The following FEZ2 variants were observed in gnomAD, a reference collection of about 807,000 sequenced individuals.
FEZ2 encodes the protein fasciculation and elongation protein zeta 2, also known as fasciculation and elongation protein zeta-2.
A neutral mutation model predicts 40.4 loss-of-function variants in FEZ2; 51 were observed. The observed-to-expected ratio is 1.26, with a 90% CI of 1.01 to 1.59. The LOEUF is 1.59. Ranked by LOEUF, FEZ2 falls within the 40% of genes most tolerant of loss-of-function variation. The pLI, the probability that FEZ2 is intolerant of heterozygous loss-of-function variation, is 0.00. For synonymous variants in FEZ2, 242 were observed against 172.0 expected, an observed-to-expected ratio of 1.41 and a Z score of -3.18; for missense variants, 640 against 438.3, an observed-to-expected ratio of 1.46 and a Z score of -4.11.
rs34787798 is a variant in FEZ2 at position 36,572,017 on chromosome 2, G to GAA, written c.903+6578_903+6579dup. Among the ~76,000 whole-genome samples the GAA allele has an allele frequency of 5.7e-3, 628 of 110,014 alleles. 18 individuals are homozygous for GAA. The highest frequency in any genetic ancestry group is 7.7e-3 in the Non-Finnish European group (378 of 49,354). The allele number at this position is 110,014 out of a possible 152,430, so 72.2% of individuals were successfully genotyped here. ...GCGGCTGAGTGAGACTCCGTCTCAG[G>GAA]AAAAAAAAAAAAAAAAAAAAAAAAA... On this transcript the variant is annotated intron_variant, in intron 5 of 7. Coordinates refer to ENST00000405912, the MANE Select transcript of FEZ2 (RefSeq NM_005102.3).
At chr2:36,596,605 G>A (rs928033422) in intron 1 of FEZ2, among the ~76,000 whole-genome samples, 1 of 152,026 alleles carries the variant, frequency 6.6e-6, no homozygotes, top group African/African-American at 2.4e-5. Context: ...GTGGGACCAC[G>A]GGCATGCGCC....
At chr2:36,557,147 A>G (rs1667978586) in intron 6 of FEZ2, 1 of 152,148 alleles carries the variant, frequency 6.6e-6, no homozygotes, top group Non-Finnish European at 1.5e-5. Flanking sequence ...ATTTTTTCTA[A>G]CTTCTAAATA....
At chr2:36,583,837 A>G (rs1226983669) in intron 2 of FEZ2, among the ~76,000 whole-genome samples, 2 of 152,234 alleles carry the variant, frequency 1.3e-5, no homozygotes, top group East Asian at 3.8e-4. Flanking sequence ...TCTAAAGAAA[A>G]CATAAAAGTT....
chr2:36,594,366 A>T (rs1197729157), intron 1 of FEZ2: 1 of 160,808 alleles, frequency 6.2e-6, no homozygotes, highest in Non-Finnish European at 1.3e-5. Context: ...TGCAGCTGAT[A>T]AAGACATACC....
chr2:36,559,730 C>A (rs1230029739), intron 5 of FEZ2, among the ~76,000 whole-genome samples: 1 of 152,238 alleles, frequency 6.6e-6, no homozygotes, highest in Non-Finnish European at 1.5e-5. Flanking sequence ...GGCGGCTGCA[C>A]CCTGGCCCGC....
rs1222041156 is a variant in FEZ2 at position 36,566,383 on chromosome 2, G to A, written c.904-7870C>T. 2.0e-5 allele frequency among the ~76,000 whole-genome samples: 3 copies of A among 151,574 alleles called. No homozygotes were observed. The East Asian group carries it at 5.8e-4, about 29-fold the overall frequency. On this transcript the variant is annotated intron_variant, in intron 5 of 7. Coordinates refer to ENST00000405912, the MANE Select transcript of FEZ2 (RefSeq NM_005102.3). The stretch of plus-strand genomic sequence containing the variant: ...TCAAGATATTTTTAATGGGGAGGTA[G>A]AGTGCACAAGATCTAAAGAGAAACA...
At chr2:36,596,370 C>A (rs1442833528) in intron 1 of FEZ2, among the ~76,000 whole-genome samples, 1 of 152,218 alleles carries the variant, frequency 6.6e-6, no homozygotes, top group Non-Finnish European at 1.5e-5. Context: ...CCTTTCCGTG[C>A]CCGTGACTCC....
intron 5 of FEZ2, among the ~76,000 whole-genome samples, chr2:36,572,635 A>C (rs1668450114): frequency 6.6e-6 from 1 of 152,222 alleles, no homozygotes; most frequent in African/African-American, 2.4e-5. Context: ...GTGTTCCAGT[A>C]AAACTGTATT....
chr2:36,553,006 T>C lies in FEZ2; in HGVS notation c.*157A>G. On this transcript the variant is annotated 3_prime_UTR_variant, in exon 8 of 8. Transcript: ENST00000405912. ...GCCCATATTTCCGTTGGTTCTATAA[T>C]ATAAAGAATTAGTGTAGTCAAGATC... 1 of 589,164 alleles carries C rather than the reference T, an allele frequency of 1.7e-6. No individual in the cohort carries two copies. Among genetic ancestry groups the C allele is most frequent in the Non-Finnish European group, 3.1e-6 (1 of 327,834 alleles). 36.5% of individuals were successfully genotyped at this position (589,164 alleles called of 1,614,324 possible). A position where few individuals can be genotyped will look rare whatever the true frequency, so the allele number is the denominator to read the frequency against.
At chr2:36,593,844 GTTT>G (rs148103426) in intron 1 of FEZ2, among the ~76,000 whole-genome samples, 14 of 146,846 alleles carry the variant, frequency 9.5e-5, no homozygotes, top group African/African-American at 3.2e-4. Flanking sequence ...CAGAAAATGG[GTTT>G]TTTTTTTTTC....
At chr2:36,553,277 T>C (rs1667868528) in intron 7 of FEZ2, 98 bp from the exon 8 acceptor site, 1 of 930,616 alleles carries the variant, frequency 1.1e-6, no homozygotes, top group African/African-American at 1.7e-5. Context: ...CATTAAGTAA[T>C]GAGAACTAAA....
intron 5 of FEZ2, among the ~76,000 whole-genome samples, chr2:36,571,359 C>T (rs1048978606): frequency 2.0e-5 from 3 of 152,192 alleles, no homozygotes; most frequent in East Asian, 1.9e-4. Context: ...TCAATATTTA[C>T]ATTCAAGAAT....
In FEZ2 at chr2:36,581,615, A is replaced by C. The variant is rs371405571; in HGVS notation, c.493-184T>G. On this transcript the variant is annotated intron_variant, in intron 3 of 7. Transcript: ENST00000405912. ...ACTGTAGGAGTGAACATGGTTTATCAAGAAAAAATTACAATATACTAAACA... is the reference window on the plus strand; with the variant it reads ...ACTGTAGGAGTGAACATGGTTTATCCAGAAAAAATTACAATATACTAAACA... The C allele has an allele frequency of 4.5e-5, 26 of 573,254 alleles. No homozygotes were observed. In the African/African-American group the frequency reaches 4.7e-4, roughly 10 times the overall value. 35.5% of individuals were successfully genotyped at this position (573,254 alleles called of 1,614,324 possible).
intron 5 of FEZ2, among the ~76,000 whole-genome samples, chr2:36,568,755 G>A (rs886803208): frequency 9.2e-5 from 14 of 152,190 alleles, no homozygotes; most frequent in African/African-American, 3.1e-4. Flanking sequence ...TCAATACACA[G>A]CTTCAACACC....
rs141037615 is a variant in FEZ2 at position 36,557,428 on chromosome 2, G to C, written c.979+1010C>G. 7.9e-5 allele frequency: 12 copies of C among 152,298 alleles called. No individual in the cohort carries two copies. The East Asian group carries it at 2.3e-3, about 29-fold the overall frequency. The allele number at this position is 152,298 out of a possible 1,614,324, so 9.4% of individuals were successfully genotyped here. A position where few individuals can be genotyped will look rare whatever the true frequency, so the allele number is the denominator to read the frequency against. ...AAAGCTCCAAGTTAGCAGGCAGGGA[G>C]CTAAGAAATAAGACACTTGCTTCTA... On this transcript the variant is annotated intron_variant, in intron 6 of 7. Coordinates refer to ENST00000405912, the MANE Select transcript of FEZ2 (RefSeq NM_005102.3).
chr2:36,582,066 C>G (rs1668766044), intron 3 of FEZ2, among the ~76,000 whole-genome samples: 1 of 152,082 alleles, frequency 6.6e-6, no homozygotes, highest in Admixed American at 6.5e-5. Context: ...ATACATTTGA[C>G]TTTAAACAAT....
At position 36,598,070 on chromosome 2, in the gene FEZ2, TCTCCTGGTCCAGGAGGCTCCGGGCCGG is replaced by T. The variant is rs1251703338; in HGVS notation, c.46_72del (p.Pro16_Glu24del). The T allele has an allele frequency of 8.7e-6, 13 of 1,497,826 alleles. No individual in the cohort carries two copies. The highest frequency in any genetic ancestry group is 1.2e-5 in the Non-Finnish European group (13 of 1,129,962). 92.8% of individuals were successfully genotyped at this position (1,497,826 alleles called of 1,614,324 possible). ...CCAGGCTCGGGGCTCGCGTTACAGT[TCTCCTGGTCCAGGAGGCTCCGGGCCGG>T]CTCCTGGAACTCATAGAAATCCTGC... On this transcript the variant is annotated inframe_deletion, in exon 1 of 8. Coordinates refer to ENST00000405912, the MANE Select transcript of FEZ2 (RefSeq NM_005102.3).
chr2:36,563,005 T>C (rs1668132597), intron 5 of FEZ2, among the ~76,000 whole-genome samples: 1 of 152,220 alleles, frequency 6.6e-6, no homozygotes, highest in South Asian at 2.1e-4. Flanking sequence ...ACACTTTCTA[T>C]TTGGAAAGCA....
In FEZ2 at chr2:36,553,996, C is replaced by T. The variant is rs1477564916; in HGVS notation, c.1046-817G>A. The stretch of plus-strand genomic sequence containing the variant: ...CTTCCCACACACATTTGGGTAAATA[C>T]ATCTCCACATTGCACTCCCGTCTTC... On this transcript the variant is annotated intron_variant, in intron 7 of 7. Transcript: ENST00000405912. Among the ~76,000 whole-genome samples the T allele has an allele frequency of 3.3e-5, 5 of 152,278 alleles. No homozygotes were observed. In the South Asian group the frequency reaches 1.0e-3, roughly 32 times the overall value.
Sources: gnomAD v4.1 joint callset for allele counts (sites outside exome capture counted in the v4.1 genomes callset) on GRCh38, gnomAD v4.1.1 for gene constraint, MANE v1.5 for transcripts, NCBI Gene and HGNC (gene_info 2026-07-23, HGNC 2026-07-21) for gene names.